RALYL: variants seen among roughly 807,000 people sequenced by gnomAD.
RALYL encodes RALY RNA binding protein like.
Under a neutral mutation model 35.1 loss-of-function variants are expected in RALYL, and 29 were observed. The observed-to-expected ratio is 0.83, with a 90% CI of 0.61 to 1.13. The LOEUF (loss-of-function observed/expected upper bound fraction) is 1.13, where lower values mean the gene tolerates loss of function less well. RALYL is among the 50% of genes most tolerant of loss of function. The pLI, the probability that RALYL is intolerant of heterozygous loss-of-function variation, is 0.00. For missense variants in RALYL, 359 were observed against 360.4 expected (o/e 1.00, Z 0.03); for synonymous variants, 120 against 127.6 (o/e 0.94, Z 0.40).
chr8:84,443,145 T>C lies in RALYL; in HGVS notation c.-23-86154T>C, dbSNP rs369075790. ...TCCTACAATTTTATTAGGTGAGTGT[T>C]ATTGCCTACTTTACAGAAGAGGAAC... On this transcript the variant is annotated intron_variant, in intron 1 of 8. Coordinates refer to ENST00000521268, the MANE Select transcript of RALYL (RefSeq NM_173848.7). 1.2e-4 allele frequency among the ~76,000 whole-genome samples: 19 copies of C among 152,244 alleles called. 2 individuals carry two copies. The South Asian group carries it at 3.5e-3, about 28-fold the overall frequency.
At chr8:84,357,983 G>A (rs771862894) in intron 1 of RALYL, among the ~76,000 whole-genome samples, 12 of 151,332 alleles carry the variant, frequency 7.9e-5, no homozygotes, top group East Asian at 3.9e-4. Flanking sequence ...GATGTGGTTC[G>A]CCATCTACAT....
chr8:84,185,150 A>T, intron 1 of RALYL: 1 of 875,654 alleles, frequency 1.1e-6, no homozygotes, highest in Non-Finnish European at 1.9e-6. Context: ...GGGGATGGGG[A>T]AATAGTTTCT....
intron 2 of RALYL, among the ~76,000 whole-genome samples, chr8:84,699,807 A>G (rs931856921): frequency 6.6e-6 from 1 of 152,166 alleles, no homozygotes; most frequent in Non-Finnish European, 1.5e-5. Flanking sequence ...TCATCCGAAA[A>G]GAGACCTTGT....
intron 4 of RALYL, among the ~76,000 whole-genome samples, chr8:84,812,406 C>T (rs574200846): frequency 2.6e-5 from 4 of 152,170 alleles, no homozygotes; most frequent in African/African-American, 9.6e-5. Context: ...TGCGGGTTGG[C>T]CTTCTGCTGG....
At chr8:84,502,390 G>A (rs1348476237) in intron 1 of RALYL, among the ~76,000 whole-genome samples, 2 of 151,966 alleles carry the variant, frequency 1.3e-5, no homozygotes, top group African/African-American at 4.8e-5. Context: ...TAAATCCCAA[G>A]CATCCCTTGA....
At chr8:84,795,966 G>A (rs1378144898) in intron 3 of RALYL, among the ~76,000 whole-genome samples, 1 of 152,170 alleles carries the variant, frequency 6.6e-6, no homozygotes, top group African/African-American at 2.4e-5. Context: ...ACAAATGTCT[G>A]CATTTGGGAT....
chr8:84,187,068 A>G (rs1264154891), intron 1 of RALYL, among the ~76,000 whole-genome samples: 1 of 152,144 alleles, frequency 6.6e-6, no homozygotes, highest in African/African-American at 2.4e-5. Context: ...CTATTTTGTA[A>G]TGAGAGAGGG....
intron 1 of RALYL, among the ~76,000 whole-genome samples, chr8:84,449,111 C>A (rs1336358794): frequency 6.8e-6 from 1 of 146,404 alleles, no homozygotes; most frequent in East Asian, 2.0e-4. Flanking sequence ...GTGCTAATTG[C>A]AAAGTGATCT....
chr8:84,218,064 T>A (rs115046190), intron 1 of RALYL, among the ~76,000 whole-genome samples: 5,088 of 152,096 alleles, frequency 0.033, 284 homozygotes, highest in African/African-American at 0.11. Context: ...TCTGAAAAAA[T>A]ATAAAGTCTT....
chr8:84,783,104 G>GTT (rs111949381), intron 3 of RALYL, among the ~76,000 whole-genome samples: 21 of 79,306 alleles, frequency 2.6e-4, no homozygotes, highest in African/African-American at 1.7e-3. Context: ...TCCAGGATAT[G>GTT]TTTTTCCTTC....
intron 1 of RALYL, among the ~76,000 whole-genome samples, chr8:84,319,865 CA>C (rs5892910): frequency 0.38 from 58,130 of 151,490 alleles, 11,756 homozygotes; most frequent in East Asian, 0.51. Flanking sequence ...AATTTTTTTT[CA>C]AAAAATATAA....
intron 2 of RALYL, among the ~76,000 whole-genome samples, chr8:84,607,917 T>C (rs914200255): frequency 6.7e-6 from 1 of 150,310 alleles, no homozygotes; most frequent in Non-Finnish European, 1.5e-5. Flanking sequence ...TATAAGCATC[T>C]AGGTTTTTTT....
intron 1 of RALYL, among the ~76,000 whole-genome samples, chr8:84,273,718 A>G (rs1203315791): frequency 2.0e-5 from 3 of 152,248 alleles, no homozygotes; most frequent in Non-Finnish European, 4.4e-5. Flanking sequence ...TGAATTAAAT[A>G]TAGATGTAAG....
chr8:84,268,945 G>A (rs535515297), intron 1 of RALYL, among the ~76,000 whole-genome samples: 6 of 152,026 alleles, frequency 3.9e-5, no homozygotes, highest in African/African-American at 7.2e-5. Flanking sequence ...TCAAATTAAG[G>A]GTATTTTTAA....
intron 4 of RALYL, among the ~76,000 whole-genome samples, chr8:84,846,222 T>G (rs1834624715): frequency 6.6e-6 from 1 of 152,214 alleles, no homozygotes; most frequent in Non-Finnish European, 1.5e-5. Flanking sequence ...ATCTGTAAAT[T>G]GCATGGGATA....
intron 2 of RALYL, among the ~76,000 whole-genome samples, chr8:84,743,304 CT>C (rs1392651085): frequency 6.6e-6 from 1 of 151,918 alleles, no homozygotes; most frequent in Admixed American, 6.6e-5. Context: ...TCAGAGGTCA[CT>C]TTGCATTTGA....
intron 1 of RALYL, among the ~76,000 whole-genome samples, chr8:84,187,977 G>A (rs545470423): frequency 6.6e-6 from 1 of 152,210 alleles, no homozygotes; most frequent in East Asian, 1.9e-4. Context: ...GGAAGTAGAA[G>A]AGAAGTGAAG....
At chr8:84,556,075 G>T (rs1359344519) in intron 2 of RALYL, among the ~76,000 whole-genome samples, 4 of 152,166 alleles carry the variant, frequency 2.6e-5, no homozygotes, top group African/African-American at 9.7e-5. Context: ...ATGTACATTT[G>T]CAGGAACAGT....
intron 2 of RALYL, among the ~76,000 whole-genome samples, chr8:84,577,110 A>G (rs1261586891): frequency 6.6e-6 from 1 of 152,172 alleles, no homozygotes; most frequent in African/African-American, 2.4e-5. Flanking sequence ...GGTCTTTCTG[A>G]GGAGAATTTA....
Sources: gnomAD v4.1 joint callset for allele counts (sites outside exome capture counted in the v4.1 genomes callset) on GRCh38, gnomAD v4.1.1 for gene constraint, MANE v1.5 for transcripts, NCBI Gene and HGNC (gene_info 2026-07-23, HGNC 2026-07-21) for gene names.